Variants in ANGEL1 observed in about 807,000 individuals in gnomAD.
The protein encoded by ANGEL1 is angel homolog 1.
Under a neutral mutation model 76.4 loss-of-function variants are expected in ANGEL1, and 62 were observed. The observed-to-expected ratio is 0.81, with a 90% CI of 0.66 to 1.00. ANGEL1 has a LOEUF of 1.00. ANGEL1 is among the 50% of genes least tolerant of loss of function. The pLI, the probability that ANGEL1 is intolerant of heterozygous loss-of-function variation, is 0.00. For synonymous variants in ANGEL1, 340 were observed against 331.7 expected, an observed-to-expected ratio of 1.03 and a Z score of -0.27; for missense variants, 737 against 836.7, an observed-to-expected ratio of 0.88 and a Z score of 1.47.
At chr14:76,809,780 C>T (rs1384424168) in intron 1 of ANGEL1, 137 bp from the exon 2 acceptor site, 4 of 690,058 alleles carry the variant, frequency 5.8e-6, no homozygotes, top group African/African-American at 3.6e-5. Flanking sequence ...AGCCTGCCTA[C>T]CTTAATGCCT....
Position 76,808,026 on chromosome 14 carries a change from T to C in ANGEL1, c.772A>G (p.Met258Val). The change falls in exon 3 of 10, where the codon ATG becomes GTG. Residue 258 changes from methionine to valine, a missense_variant. By Grantham distance (21) the Met-to-Val change is conservative. This residue lies in a region of ANGEL1 where 441 missense variants were observed against 449.5 expected (regional missense o/e 0.98). Coordinates refer to ENST00000251089, the MANE Select transcript of ANGEL1 (RefSeq NM_015305.4). The stretch of plus-strand genomic sequence containing the variant: ...AGATAGAGCTCTGAGCTCTGCTGCA[T>C]CAGGTCCTGAGCCAGGATGTTATAA... Reference protein sequence around the residue: ...MSYNILAQDLMQQSSELYLHC... With the variant: ...MSYNILAQDLVQQSSELYLHC... 1 of 1,614,106 alleles carries C rather than the reference T, an allele frequency of 6.2e-7. No individual in the cohort carries two copies. The highest frequency in any genetic ancestry group is 8.5e-7 in the Non-Finnish European group (1 of 1,180,020).
At chr14:76,802,852 G>C (rs1182177339) in intron 7 of ANGEL1, among the ~76,000 whole-genome samples, 1 of 152,216 alleles carries the variant, frequency 6.6e-6, no homozygotes, top group Non-Finnish European at 1.5e-5. Context: ...CTTGGTGTCA[G>C]ATATCTTCAA....
intron 6 of ANGEL1, 34 bp from the exon 7 acceptor site, chr14:76,803,515 A>T: frequency 6.2e-7 from 1 of 1,605,768 alleles, no homozygotes; most frequent in Non-Finnish European, 8.5e-7. Flanking sequence ...AGTGAAAGAA[A>T]GACGATGAAG....
rs1895132020 is a variant in ANGEL1 at position 76,812,804 on chromosome 14, G to C, written c.24C>G (p.Tyr8Ter). The change falls in exon 1 of 10, where the codon TAC (tyrosine) becomes TAG (stop). Residue 8 changes from tyrosine (Y) to a stop codon, truncating the protein, a stop_gained. Coordinates refer to ENST00000251089, the MANE Select transcript of ANGEL1 (RefSeq NM_015305.4). LOFTEE classifies it high-confidence loss of function. ...AGAGGCGCGTGGCCGGCAGCAGCAGGTAACACAAGCACGACGCGATCATGG... is the reference window on the plus strand; with the variant it reads ...AGAGGCGCGTGGCCGGCAGCAGCAGCTAACACAAGCACGACGCGATCATGG... MIASCLC[Y>*]LLLPATRLFR... The C allele has an allele frequency of 6.6e-7, 1 of 1,521,458 alleles. No individual in the cohort carries two copies. Among genetic ancestry groups the C allele is most frequent in the Non-Finnish European group, 8.8e-7 (1 of 1,139,380 alleles). 94.2% of individuals were successfully genotyped at this position (1,521,458 alleles called of 1,614,324 possible). A position where few individuals can be genotyped will look rare whatever the true frequency, so the allele number is the denominator to read the frequency against.
chr14:76,810,079 T>C, intron 1 of ANGEL1: 1 of 398,936 alleles, frequency 2.5e-6, no homozygotes, highest in East Asian at 7.4e-5. Flanking sequence ...CCAAAATTAA[T>C]AAAACTGACC....
rs762821195 is a variant in ANGEL1, at chr14:76,790,623, C to T, written c.1840G>A (p.Gly614Arg). ...CCATCAGGCTTACCAGTTCTGTTCC[C>T]ATTCTCACAGGACTCAGCTGAGAAG... ...IFFSAESCEN[G>R]NRTDHRLYRD... Residue 614 changes from glycine (G) to arginine (R), a missense_variant, in exon 9 of 10, where the codon GGG becomes AGG. Physicochemically the swap from Gly to Arg is moderately radical, Grantham distance 125 (BLOSUM62 -2). Around this residue, in one of 2 missense-constraint regions of ANGEL1, gnomAD observed 296 missense variants for 387.2 expected, o/e 0.76. Coordinates refer to ENST00000251089, the MANE Select transcript of ANGEL1 (RefSeq NM_015305.4). 3.7e-6 allele frequency: 6 copies of T among 1,613,346 alleles called. No homozygotes were observed. The highest frequency in any genetic ancestry group is 8.5e-7 in the Non-Finnish European group (1 of 1,179,608).
chr14:76,812,538 A>C, intron 1 of ANGEL1: 5 of 1,245,460 alleles, frequency 4.0e-6, no homozygotes, highest in Non-Finnish European at 4.0e-6. Flanking sequence ...ATCTGACAAC[A>C]GGCGGGAGGA....
intron 7 of ANGEL1, among the ~76,000 whole-genome samples, chr14:76,797,355 T>C (rs187596902): frequency 1.1e-3 from 160 of 152,274 alleles, no homozygotes; most frequent in Middle Eastern, 3.4e-3. Context: ...ATCCTAGCAC[T>C]TTGGGAGGCC....
intron 7 of ANGEL1, among the ~76,000 whole-genome samples, chr14:76,799,575 G>A (rs1894697471): frequency 6.6e-6 from 1 of 152,016 alleles, no homozygotes; most frequent in African/African-American, 2.4e-5. Context: ...TTACAGGCGT[G>A]AGCCACCGCG....
intron 7 of ANGEL1, among the ~76,000 whole-genome samples, chr14:76,800,357 G>A (rs1213243925): frequency 6.6e-6 from 1 of 152,136 alleles, no homozygotes; most frequent in Admixed American, 6.5e-5. Context: ...ACTCAATACA[G>A]GGTGGCCATC....
In ANGEL1 at chr14:76,803,386, T is replaced by C. The variant is rs746999144; in HGVS notation, c.1603A>G (p.Thr535Ala). ...PVGLVLMEGV[T>A]DTKPERPAGW... is the part of the protein sequence containing the mutation. ...TTCCCATTACCTGGCTTAGTATCTG[T>C]CACTCCTTCCATAAGGACCAGTCCT... The change falls in exon 7 of 10, where the codon ACA becomes GCA. Residue 535 changes from threonine to alanine, a missense_variant. Coordinates refer to ENST00000251089, the MANE Select transcript of ANGEL1 (RefSeq NM_015305.4). 8 of 1,614,108 alleles carry C rather than the reference T, an allele frequency of 5.0e-6. No individual in the cohort carries two copies. The highest frequency in any genetic ancestry group is 6.8e-6 in the Non-Finnish European group (8 of 1,179,962).
At chr14:76,802,404 G>A (rs767414550) in intron 7 of ANGEL1, among the ~76,000 whole-genome samples, 1 of 151,994 alleles carries the variant, frequency 6.6e-6, no homozygotes, top group African/African-American at 2.4e-5. Flanking sequence ...CCAGCTATTT[G>A]TACAAAGTTT....
chr14:76,789,736 C>G (rs1894343718), intron 9 of ANGEL1, among the ~76,000 whole-genome samples: 1 of 150,112 alleles, frequency 6.7e-6, no homozygotes, highest in Non-Finnish European at 1.5e-5. Context: ...ACTTCGTTGT[C>G]CAGGCTGGAG....
chr14:76,801,763 T>C (rs1484951429), intron 7 of ANGEL1, among the ~76,000 whole-genome samples: 1 of 152,232 alleles, frequency 6.6e-6, no homozygotes, highest in African/African-American at 2.4e-5. Context: ...ACTTCTTTTC[T>C]GAGCTCTGCA....
chr14:76,790,324 T>C (rs1894366663), intron 9 of ANGEL1, among the ~76,000 whole-genome samples: 1 of 152,172 alleles, frequency 6.6e-6, no homozygotes, highest in Admixed American at 6.5e-5. Context: ...GTGGCTGTCA[T>C]TAAACAAACT....
Position 76,806,460 on chromosome 14 carries a change from T to C in ANGEL1, c.1336A>G (p.Ile446Val). Residue 446 changes from isoleucine (I) to valine (V), a missense_variant, in exon 5 of 10, where the codon ATC (isoleucine) becomes GTC (valine). By Grantham distance (29) the Ile-to-Val change is conservative. Coordinates refer to ENST00000251089, the MANE Select transcript of ANGEL1 (RefSeq NM_015305.4). ...SVPDSPLYNF[I>V]RDGELQYHGM... ...TGGTACTGGAGCTCTCCATCCCTGA[T>C]GAAGTTGTAGAGAGGTGAATCAGGG... is the stretch of plus-strand genomic sequence containing the variant. 1.2e-6 allele frequency: 2 copies of C among 1,614,028 alleles called. No homozygotes were observed. The highest frequency in any genetic ancestry group is 1.7e-6 in the Non-Finnish European group (2 of 1,179,990).
At chr14:76,811,034 T>C (rs1895068085) in intron 1 of ANGEL1, among the ~76,000 whole-genome samples, 1 of 152,238 alleles carries the variant, frequency 6.6e-6, no homozygotes, top group South Asian at 2.1e-4. Context: ...TGTATATTTA[T>C]GTCCTTCTAA....
At chr14:76,807,788 G>C in intron 3 of ANGEL1, 134 bp downstream of exon 3, 1 of 979,938 alleles carries the variant, frequency 1.0e-6, no homozygotes, top group East Asian at 2.6e-5. Flanking sequence ...ACTGACACCA[G>C]GCAGGCAAGC....
chr14:76,809,858 A>G (rs1895033502), intron 1 of ANGEL1, among the ~76,000 whole-genome samples: 1 of 152,252 alleles, frequency 6.6e-6, no homozygotes, highest in Admixed American at 6.5e-5. Flanking sequence ...ACAAGTGTTG[A>G]CTAATTTATA....
Sources: gnomAD v4.1 joint callset for allele counts (sites outside exome capture counted in the v4.1 genomes callset) on GRCh38, gnomAD v4.1.1 for gene constraint, gnomAD v4.1.1 regional missense constraint, MANE v1.5 for transcripts, NCBI Gene and HGNC (gene_info 2026-07-23, HGNC 2026-07-21) for gene names.